The following TENM2 variants were observed in gnomAD, a reference collection of about 807,000 sequenced individuals.
The protein encoded by TENM2 is teneurin-2.
TENM2 carries 52 observed loss-of-function variants against 245.2 expected under a neutral mutation model. That is an observed-to-expected ratio of 0.21 (90% CI 0.17 to 0.27). The LOEUF is 0.27. TENM2 is among the 10% of genes least tolerant of loss of function. The pLI, the probability that TENM2 is intolerant of heterozygous loss-of-function variation, is 1.00. For missense variants in TENM2, 3,046 were observed against 3,666.8 expected, an observed-to-expected ratio of 0.83 and a Z score of 4.37; for synonymous variants, 1,363 against 1,438.9, an observed-to-expected ratio of 0.95 and a Z score of 1.19.
rs35059289 is a variant in TENM2 at position 167,336,176 on chromosome 5, CTTTTTT to C, written c.227-39003_227-38998del. Among the ~76,000 whole-genome samples, 269 of 83,118 alleles carry C rather than the reference CTTTTTT, an allele frequency of 3.2e-3. 2 individuals carry two copies. Among genetic ancestry groups the C allele is most frequent in the Non-Finnish European group, 5.0e-3 (225 of 45,072 alleles). 54.5% of individuals were successfully genotyped at this position (83,118 alleles called of 152,430 possible). A position where few individuals can be genotyped will look rare whatever the true frequency, so the allele number is the denominator to read the frequency against. ...TCATCCAATGTTCTTTTCATTTCTCCTTTTTTTTTTTTTTTTTTTTTTTTCCGGTCA... is the reference window on the plus strand; with the variant it reads ...TCATCCAATGTTCTTTTCATTTCTCCTTTTTTTTTTTTTTTTTTCCGGTCA... On this transcript the variant is annotated intron_variant, in intron 1 of 28. Coordinates refer to ENST00000518659, the Ensembl canonical transcript of TENM2.
chr5:167,628,614 C>T, intron 2 of TENM2, among the ~76,000 whole-genome samples: 1 of 152,166 alleles, frequency 6.6e-6, no homozygotes, highest in East Asian at 1.9e-4. Context: ...TAGTGGAAAT[C>T]AGGATGACAC....
the TENM2 span, among the ~76,000 whole-genome samples, chr5:167,079,028 A>C: frequency 6.6e-6 from 1 of 152,132 alleles, no homozygotes; most frequent in Non-Finnish European, 1.5e-5. Flanking sequence ...AACAAGGCAG[A>C]GGGTCACCTT....
chr5:167,434,082 T>C (rs1764397894), intron 2 of TENM2, among the ~76,000 whole-genome samples: 1 of 152,166 alleles, frequency 6.6e-6, no homozygotes, highest in Non-Finnish European at 1.5e-5. Flanking sequence ...TACATCTTAA[T>C]ATAACTCTTA....
intron 2 of TENM2, among the ~76,000 whole-genome samples, chr5:167,419,978 A>T (rs1253678778): frequency 6.6e-6 from 1 of 152,190 alleles, no homozygotes; most frequent in African/African-American, 2.4e-5. Flanking sequence ...TTTGGCATAA[A>T]GGGAGTTAGA....
chr5:167,796,641 C>G (rs532677525), intron 2 of TENM2, among the ~76,000 whole-genome samples: 1 of 151,760 alleles, frequency 6.6e-6, no homozygotes, highest in African/African-American at 2.4e-5. Flanking sequence ...TGTGCGTGTG[C>G]AGAATTGTTT....
chr5:168,082,250 C>A (rs947534089), intron 7 of TENM2, among the ~76,000 whole-genome samples: 2 of 152,166 alleles, frequency 1.3e-5, no homozygotes, highest in African/African-American at 4.8e-5. Flanking sequence ...GCATGCGTCA[C>A]GTAGTTCTCG....
intron 2 of TENM2, among the ~76,000 whole-genome samples, chr5:167,586,102 G>A (rs1342903185): frequency 3.9e-5 from 6 of 152,114 alleles, no homozygotes; most frequent in Admixed American, 2.0e-4. Flanking sequence ...GTGACAGAGC[G>A]AGACTGTCTC....
chr5:167,246,164 A>G, the TENM2 span, among the ~76,000 whole-genome samples: 3 of 152,168 alleles, frequency 2.0e-5, no homozygotes, highest in Non-Finnish European at 4.4e-5. Context: ...AGAGGGACAC[A>G]GACTTTCCCA....
chr5:167,833,374 T>C (rs996270244), intron 2 of TENM2, among the ~76,000 whole-genome samples: 1 of 152,174 alleles, frequency 6.6e-6, no homozygotes, highest in African/African-American at 2.4e-5. Flanking sequence ...GACTTCAGAC[T>C]CAACCAGAAG....
chr5:167,271,029 A>G, the TENM2 span, among the ~76,000 whole-genome samples: 1 of 152,220 alleles, frequency 6.6e-6, no homozygotes, highest in Non-Finnish European at 1.5e-5. Context: ...TTTGACTTTG[A>G]TGGTGCATCC....
chr5:167,417,629 T>A (rs1763239325), intron 2 of TENM2, among the ~76,000 whole-genome samples: 1 of 152,200 alleles, frequency 6.6e-6, no homozygotes, highest in Non-Finnish European at 1.5e-5. Flanking sequence ...TTATCTAGTT[T>A]AAGCATCATG....
intron 1 of TENM2, among the ~76,000 whole-genome samples, chr5:167,285,345 G>C (rs1472152240): frequency 1.3e-5 from 2 of 152,100 alleles, no homozygotes; most frequent in African/African-American, 4.8e-5. Flanking sequence ...GATTCTCCTT[G>C]AACAAATGGT....
intron 2 of TENM2, among the ~76,000 whole-genome samples, chr5:167,630,306 T>A (rs1362740808): frequency 6.6e-6 from 1 of 152,088 alleles, no homozygotes; most frequent in African/African-American, 2.4e-5. Flanking sequence ...CACCCTACAG[T>A]GGATCTGGTA....
rs763472505 is a variant in TENM2, at chr5:168,227,333, G to T, written c.5285-562G>T. Among the ~76,000 whole-genome samples, 3 of 152,186 alleles carry T rather than the reference G, an allele frequency of 2.0e-5. No homozygotes were observed. In the South Asian group the frequency reaches 6.2e-4, roughly 32 times the overall value. On this transcript the variant is annotated intron_variant, in intron 24 of 28. Transcript: ENST00000518659. ...GAGTCTCTTCAGAGTTCTCTTGAGT[G>T]GGGGTGGTATCAGGTGCAGTCGGCA...
At chr5:167,072,915 C>G in the TENM2 span, among the ~76,000 whole-genome samples, 1 of 152,308 alleles carries the variant, frequency 6.6e-6, no homozygotes, top group East Asian at 1.9e-4. Flanking sequence ...TTCTCTCACT[C>G]TAATACTGTG....
the TENM2 span, among the ~76,000 whole-genome samples, chr5:167,153,010 G>A: frequency 6.6e-6 from 1 of 151,908 alleles, no homozygotes; most frequent in Non-Finnish European, 1.5e-5. Context: ...AGATTAGCTT[G>A]CCCACCCTTA....
chr5:167,640,892 T>TGG (rs1224894269), intron 2 of TENM2, among the ~76,000 whole-genome samples: 1 of 96,244 alleles, frequency 1.0e-5, no homozygotes, highest in African/African-American at 4.2e-5. Context: ...TATATATATA[T>TGG]ATATATATAT....
At chr5:166,983,559 T>TA in the TENM2 span, among the ~76,000 whole-genome samples, 2 of 152,144 alleles carry the variant, frequency 1.3e-5, no homozygotes, top group Admixed American at 1.3e-4. Flanking sequence ...ACACAGCTAA[T>TA]ATGTTAGAAT....
chr5:167,713,479 A>C (rs1224762461), intron 2 of TENM2, among the ~76,000 whole-genome samples: 2 of 152,034 alleles, frequency 1.3e-5, no homozygotes, highest in Admixed American at 6.6e-5. Flanking sequence ...AAGTACATAC[A>C]TACAATGCAC....
Sources: allele counts gnomAD v4.1 joint callset (sites outside exome capture counted in the v4.1 genomes callset), GRCh38; gene constraint gnomAD v4.1.1; transcripts MANE v1.5; gene names NCBI Gene and HGNC (gene_info 2026-07-23, HGNC 2026-07-21).